Variants in DNAH7 observed in about 807,000 individuals in gnomAD.
DNAH7 encodes the protein axonemal beta dynein heavy chain 7.
Under a neutral mutation model 444.6 loss-of-function variants are expected in DNAH7, and 397 were observed. The observed-to-expected ratio is 0.89, with a 90% CI of 0.82 to 0.97. The LOEUF is 0.97. Ranked by LOEUF, DNAH7 falls within the 50% of genes least tolerant of loss-of-function variation. The probability of loss-of-function intolerance (pLI) is 0.00; values close to 1 mark genes in which losing one functional copy is unlikely to be tolerated. For missense variants in DNAH7, 4,902 were observed against 4,800.8 expected, an observed-to-expected ratio of 1.02 and a Z score of -0.62; for synonymous variants, 1,636 against 1,624.4, an observed-to-expected ratio of 1.01 and a Z score of -0.17.
At chr2:195,834,111 G>A in intron 48 of DNAH7, 95 bp downstream of exon 48, 1 of 1,283,200 alleles carries the variant, frequency 7.8e-7, no homozygotes, top group Non-Finnish European at 1.1e-6. Flanking sequence ...GTAGGCTGAG[G>A]TGGGAGGATC....
At chr2:195,898,052 C>T (rs1574704668) in intron 28 of DNAH7, among the ~76,000 whole-genome samples, 2 of 152,268 alleles carry the variant, frequency 1.3e-5, no homozygotes, top group South Asian at 2.1e-4. Context: ...TGGCAGCTGC[C>T]ATCCCTTATA....
intron 46 of DNAH7, among the ~76,000 whole-genome samples, chr2:195,849,548 T>C (rs1436825312): frequency 6.6e-6 from 1 of 152,140 alleles, no homozygotes; most frequent in East Asian, 1.9e-4. Context: ...CAGATAGCAT[T>C]TCCAGTTTGA....
intron 36 of DNAH7, among the ~76,000 whole-genome samples, chr2:195,877,076 A>C (rs1241838910): frequency 6.6e-6 from 1 of 152,190 alleles, no homozygotes; most frequent in Non-Finnish European, 1.5e-5. Context: ...ACTTACATAC[A>C]AAGCGATCTT....
chr2:195,773,464 T>TAA (rs55922883), intron 60 of DNAH7, among the ~76,000 whole-genome samples: 5 of 146,354 alleles, frequency 3.4e-5, no homozygotes, highest in African/African-American at 1.2e-4. Context: ...TCAAAAAACG[T>TAA]AAAAAAAAAA....
At chr2:195,905,545 G>C (rs1179148857) in intron 27 of DNAH7, 1 of 152,144 alleles carries the variant, frequency 6.6e-6, no homozygotes, top group African/African-American at 2.4e-5. Context: ...AGCATGTGAA[G>C]TGTGGAAGTA....
At chr2:195,768,369 T>A (rs115466252) in intron 61 of DNAH7, among the ~76,000 whole-genome samples, 2,759 of 151,766 alleles carry the variant, frequency 0.018, 78 homozygotes, top group African/African-American at 0.063. Context: ...TTTTCATTTA[T>A]CAGTATGTCT....
chr2:196,063,380 T>C (rs1185273402), intron 1 of DNAH7: 1 of 152,208 alleles, frequency 6.6e-6, no homozygotes, highest in Non-Finnish European at 1.5e-5. Flanking sequence ...ATTCCCAGGT[T>C]GCAGGAATTT....
At position 196,037,103 on chromosome 2, in the gene DNAH7, C is replaced by T. The variant is rs181381055; in HGVS notation, c.399-9056G>A. 1.4e-3 allele frequency among the ~76,000 whole-genome samples: 217 copies of T among 152,304 alleles called. 3 individuals are homozygous for T. Among genetic ancestry groups the T allele is most frequent in the East Asian group, 6.7e-3 (35 of 5,186 alleles). On this transcript the variant is annotated intron_variant, in intron 5 of 64. Coordinates refer to ENST00000312428, the MANE Select transcript of DNAH7 (RefSeq NM_018897.3). ...TCATCACAGCCTCCACAAACACCCACAGCCTAGCCACTAAGTAATTTGCAG... is the reference window on the plus strand; with the variant it reads ...TCATCACAGCCTCCACAAACACCCATAGCCTAGCCACTAAGTAATTTGCAG...
chr2:196,036,117 T>C (rs1037139442), intron 5 of DNAH7, among the ~76,000 whole-genome samples: 3 of 151,158 alleles, frequency 2.0e-5, no homozygotes, highest in Non-Finnish European at 4.4e-5. Flanking sequence ...CTGAAACCTC[T>C]GCCTCCTGAG....
Position 195,858,620 on chromosome 2 carries a change from C to G in DNAH7, c.7921G>C (p.Glu2641Gln). 6.2e-7 allele frequency: 1 copy of G among 1,613,902 alleles called. No homozygotes were observed. The highest frequency in any genetic ancestry group is 1.1e-5 in the South Asian group (1 of 91,080). ...GTTTCATCAGCTTTCACTATTTTTTCAGTTTTGGCAACTTCTACAGACTCT... is the reference window on the plus strand; with the variant it reads ...GTTTCATCAGCTTTCACTATTTTTTGAGTTTTGGCAACTTCTACAGACTCT... Reference protein sequence around the residue: ...EKESVEVAKTEKIVKADETIA... With the variant: ...EKESVEVAKTQKIVKADETIA... Residue 2641 changes from glutamate (E) to glutamine (Q), a missense_variant, in exon 43 of 65, where the codon GAA (glutamate) becomes CAA (glutamine). Coordinates refer to ENST00000312428, the MANE Select transcript of DNAH7 (RefSeq NM_018897.3).
intron 5 of DNAH7, among the ~76,000 whole-genome samples, chr2:196,031,002 G>C (rs1341351023): frequency 6.6e-6 from 1 of 152,182 alleles, no homozygotes; most frequent in East Asian, 1.9e-4. Context: ...CTGAGTGGGG[G>C]CTCTGACCCC....
rs1036918896 is a variant in DNAH7 at position 195,857,812 on chromosome 2, A to G, written c.8068-89T>C. ...TCCTATTTTCAAACTAAGCATACAGAAACTCACTGTGTTCACTGGGTAGAA... is the reference window on the plus strand; with the variant it reads ...TCCTATTTTCAAACTAAGCATACAGGAACTCACTGTGTTCACTGGGTAGAA... On this transcript the variant is annotated intron_variant, in intron 43 of 64. Coordinates refer to ENST00000312428, the MANE Select transcript of DNAH7 (RefSeq NM_018897.3). 6 of 1,144,062 alleles carry G rather than the reference A, an allele frequency of 5.2e-6. No homozygotes were observed. In the African/African-American group the frequency reaches 7.9e-5, roughly 15 times the overall value. 70.9% of individuals were successfully genotyped at this position (1,144,062 alleles called of 1,614,324 possible).
Position 195,960,858 on chromosome 2 carries a change from G to C in DNAH7, c.2293C>G (p.Pro765Ala), listed in dbSNP as rs759132556. The C allele has an allele frequency of 5.0e-6, 8 of 1,614,002 alleles. No individual in the cohort carries two copies. The highest frequency in any genetic ancestry group is 2.7e-5 in the African/African-American group (2 of 75,016). ...GCAGTTTCATAAAGACGAAGATAAG[G>C]GTTCAAGCCATCTTGGATTTTTTTA... ...QRKKIQDGLN[P>A]YLRLYETAVE... Residue 765 changes from proline to alanine, a missense_variant, in exon 18 of 65, where the codon CCT (proline) becomes GCT (alanine). Physicochemically the swap from Pro to Ala is conservative, Grantham distance 27. Transcript: ENST00000312428.
At chr2:195,841,240 G>C (rs1394163718) in intron 47 of DNAH7, among the ~76,000 whole-genome samples, 3 of 150,406 alleles carry the variant, frequency 2.0e-5, no homozygotes, top group African/African-American at 7.3e-5. Context: ...CTCTCTCTCT[G>C]TCTCTCTCTC....
chr2:195,934,816 A>G, intron 20 of DNAH7, 27 bp from the exon 21 acceptor site: 1 of 1,611,362 alleles, frequency 6.2e-7, no homozygotes, highest in African/African-American at 1.3e-5. Context: ...TTTTAAGATA[A>G]TTAACCAAGT....
chr2:195,935,766 C>G (rs955533533), intron 20 of DNAH7, among the ~76,000 whole-genome samples: 1 of 152,184 alleles, frequency 6.6e-6, no homozygotes, highest in East Asian at 1.9e-4. Flanking sequence ...CCCTGAATGA[C>G]AGATGTTTAA....
chr2:195,957,798 G>T (rs1000135181), intron 18 of DNAH7, among the ~76,000 whole-genome samples: 1 of 151,830 alleles, frequency 6.6e-6, no homozygotes, highest in Admixed American at 6.6e-5. Flanking sequence ...TACACGTTAA[G>T]ATATACTTAT....
chr2:195,906,548 C>T, intron 27 of DNAH7, 111 bp downstream of exon 27: 1 of 993,534 alleles, frequency 1.0e-6, no homozygotes. Flanking sequence ...ACCACCTCAG[C>T]CTCCTAAAGT....
chr2:195,776,123 T>C, intron 59 of DNAH7, 140 bp from the exon 60 acceptor site: 3 of 1,111,894 alleles, frequency 2.7e-6, no homozygotes. Flanking sequence ...GCTTTCACTT[T>C]CTTTCAGCCT....
Sources: gnomAD v4.1 joint callset for allele counts (sites outside exome capture counted in the v4.1 genomes callset) on GRCh38, gnomAD v4.1.1 for gene constraint, MANE v1.5 for transcripts, NCBI Gene and HGNC (gene_info 2026-07-23, HGNC 2026-07-21) for gene names.